The following WDR49 variants were observed in gnomAD, a reference collection of about 807,000 sequenced individuals.
WDR49 encodes cilia- and flagella-associated protein 337.
Under a neutral mutation model 119.5 loss-of-function variants are expected in WDR49, and 107 were observed. The ratio of observed to expected loss-of-function variants is 0.90; its 90% confidence interval spans 0.77 to 1.05. WDR49 has a LOEUF of 1.05. WDR49 is among the 50% of genes least tolerant of loss of function. WDR49 has a pLI of 0.00. For synonymous variants in WDR49, 425 were observed against 418.8 expected (o/e 1.01, Z -0.18); for missense variants, 1,240 against 1,220.5 (o/e 1.02, Z -0.24).
chr3:167,535,237 G>GA (rs1311211754), intron 11 of WDR49, among the ~76,000 whole-genome samples: 1 of 152,086 alleles, frequency 6.6e-6, no homozygotes, highest in Non-Finnish European at 1.5e-5. Context: ...GGATAAAGAA[G>GA]AGCAAGTGCT....
intron 6 of WDR49, 114 bp downstream of exon 6, chr3:167,604,187 C>T (rs1022370713): frequency 4.9e-6 from 6 of 1,224,252 alleles, no homozygotes; most frequent in African/African-American, 4.6e-5. Context: ...GTGAGCTTCT[C>T]GAGATGGTCT....
chr3:167,639,839 A>T (rs1717797228), intron 2 of WDR49, among the ~76,000 whole-genome samples: 1 of 151,706 alleles, frequency 6.6e-6, no homozygotes, highest in Non-Finnish European at 1.5e-5. Flanking sequence ...GGCAAAACAC[A>T]GCATTGGAAA....
intron 11 of WDR49, among the ~76,000 whole-genome samples, chr3:167,535,496 A>G (rs556815797): frequency 5.9e-5 from 9 of 152,290 alleles, no homozygotes; most frequent in East Asian, 5.8e-4. Flanking sequence ...AAAATGTTCA[A>G]CATCACTGAT....
intron 2 of WDR49, chr3:167,633,475 G>A (rs1489743384): frequency 4.4e-6 from 2 of 456,090 alleles, no homozygotes; most frequent in Non-Finnish European, 8.8e-6. Flanking sequence ...AGTAATCCCA[G>A]CTTCTGTCTT....
chr3:167,621,890 T>G (rs76266777), intron 3 of WDR49, among the ~76,000 whole-genome samples: 3 of 152,038 alleles, frequency 2.0e-5, no homozygotes, highest in Admixed American at 6.6e-5. Flanking sequence ...TTCCACACAG[T>G]CACCAACATC....
chr3:167,616,091 A>G (rs964790177), intron 5 of WDR49, among the ~76,000 whole-genome samples: 14 of 152,228 alleles, frequency 9.2e-5, no homozygotes, highest in Admixed American at 8.5e-4. Flanking sequence ...GAAATATGCC[A>G]GTGCTTACTA....
At chr3:167,525,022 T>G (rs1752584121) in intron 15 of WDR49, among the ~76,000 whole-genome samples, 1 of 152,208 alleles carries the variant, frequency 6.6e-6, no homozygotes. Context: ...ATGATATCGA[T>G]TCTTCCTGTT....
intron 10 of WDR49, among the ~76,000 whole-genome samples, chr3:167,547,719 G>C (rs1312941142): frequency 2.7e-5 from 4 of 149,816 alleles, no homozygotes; most frequent in Non-Finnish European, 3.0e-5. Context: ...GATATAAAAG[G>C]CTAATTATAA....
chr3:167,567,983 G>A (rs1713705469), intron 8 of WDR49, among the ~76,000 whole-genome samples: 1 of 152,190 alleles, frequency 6.6e-6, no homozygotes, highest in South Asian at 2.1e-4. Context: ...CAGCTTTATA[G>A]ACAAGTGCTG....
At chr3:167,597,940 G>A (rs1374965143) in intron 7 of WDR49, among the ~76,000 whole-genome samples, 1 of 152,134 alleles carries the variant, frequency 6.6e-6, no homozygotes, top group Non-Finnish European at 1.5e-5. Flanking sequence ...TTGGAATTAG[G>A]CTTTTTGGGT....
intron 16 of WDR49, among the ~76,000 whole-genome samples, chr3:167,507,925 G>C (rs1324103649): frequency 6.6e-6 from 1 of 151,558 alleles, no homozygotes; most frequent in East Asian, 1.9e-4. Flanking sequence ...AAGAGGAGAA[G>C]TGATGGATGA....
chr3:167,532,510 A>G (rs949605682), intron 12 of WDR49, among the ~76,000 whole-genome samples: 1 of 152,198 alleles, frequency 6.6e-6, no homozygotes, highest in Non-Finnish European at 1.5e-5. Flanking sequence ...TGAACAGCCT[A>G]TCGAGTGAAC....
In WDR49 at chr3:167,497,875, C is replaced by CTTTT. The variant is rs10634534; in HGVS notation, c.3031+2274_3031+2277dup. 2.7e-4 allele frequency among the ~76,000 whole-genome samples: 34 copies of CTTTT among 128,190 alleles called. 1 individual carries two copies. The highest frequency in any genetic ancestry group is 7.7e-4 in the African/African-American group (26 of 33,862). 84.1% of individuals were successfully genotyped at this position (128,190 alleles called of 152,430 possible). A position where few individuals can be genotyped will look rare whatever the true frequency, so the allele number is the denominator to read the frequency against. ...AAGATAAGTACTTCCCATATTCATTCTTTTTTTTTTTTTTTTTCAACAGGC... is the reference window on the plus strand; with the variant it reads ...AAGATAAGTACTTCCCATATTCATTCTTTTTTTTTTTTTTTTTTTTTCAACAGGC... On this transcript the variant is annotated intron_variant, in intron 18 of 18. Transcript: ENST00000682715.
Position 167,627,296 on chromosome 3 carries a change from G to C in WDR49, c.166-4C>G. On this transcript the variant is annotated splice_polypyrimidine_tract_variant and splice_region_variant and intron_variant, in intron 2 of 18. Coordinates refer to ENST00000682715, the MANE Select transcript of WDR49 (RefSeq NM_001366157.1). ...TGATTTTCCTTGGCTGTGGGGACTAGAAACAGGAATCCAAAAACAATAATG... is the reference window on the plus strand; with the variant it reads ...TGATTTTCCTTGGCTGTGGGGACTACAAACAGGAATCCAAAAACAATAATG... 8.1e-7 allele frequency: 1 copy of C among 1,234,866 alleles called. No individual in the cohort carries two copies. Among genetic ancestry groups the C allele is most frequent in the Non-Finnish European group, 1.0e-6 (1 of 988,644 alleles). The allele number at this position is 1,234,866 out of a possible 1,614,324, so 76.5% of individuals were successfully genotyped here. A position where few individuals can be genotyped will look rare whatever the true frequency, so the allele number is the denominator to read the frequency against.
chr3:167,525,409 G>T (rs530650588), intron 15 of WDR49, among the ~76,000 whole-genome samples: 1 of 151,868 alleles, frequency 6.6e-6, no homozygotes, highest in Non-Finnish European at 1.5e-5. Flanking sequence ...TCTTTCTCTT[G>T]CCTGATTGCT....
chr3:167,529,110 A>G lies in WDR49; in HGVS notation c.2348T>C (p.Met783Thr). ...ATCTCCTGTGGTAAGGTATCGATTC[A>G]TCTTATCAGTAGACATAATAATCGA... ...VGSIIMSTDKMNRYLTTGDLD... is the reference protein window; with the variant it reads ...VGSIIMSTDKTNRYLTTGDLD... Residue 783 changes from methionine to threonine, a missense_variant, in exon 14 of 19, where the codon ATG becomes ACG. Met to Thr is a moderately conservative substitution (Grantham distance 81). Coordinates refer to ENST00000682715, the MANE Select transcript of WDR49 (RefSeq NM_001366157.1). 2 of 1,609,586 alleles carry G rather than the reference A, an allele frequency of 1.2e-6. No individual in the cohort carries two copies. The highest frequency in any genetic ancestry group is 1.3e-5 in the African/African-American group (1 of 74,828).
At chr3:167,582,391 AT>A (rs1434527762) in intron 7 of WDR49, among the ~76,000 whole-genome samples, 4 of 152,100 alleles carry the variant, frequency 2.6e-5, no homozygotes, top group East Asian at 3.9e-4. Context: ...GATTTTTGCT[AT>A]TTTTTTCCCC....
chr3:167,654,939 C>T (rs6444471), upstream of WDR49, among the ~76,000 whole-genome samples: 46,519 of 151,484 alleles, frequency 0.31, 7,534 homozygotes, highest in African/African-American at 0.43. Context: ...TGCCAAAGGT[C>T]ACACAAATAG....
At chr3:167,508,031 C>T (rs1275474388) in intron 16 of WDR49, among the ~76,000 whole-genome samples, 1 of 152,136 alleles carries the variant, frequency 6.6e-6, no homozygotes, top group African/African-American at 2.4e-5. Flanking sequence ...AGGCGATCTA[C>T]TATGGGATCC....
Sources: allele counts gnomAD v4.1 joint callset (sites outside exome capture counted in the v4.1 genomes callset), GRCh38; gene constraint gnomAD v4.1.1; transcripts MANE v1.5; gene names NCBI Gene and HGNC (gene_info 2026-07-23, HGNC 2026-07-21).